Variants in RGS7 observed in about 807,000 individuals in gnomAD.
RGS7 encodes regulator of G protein signaling 7, also known as regulator of G-protein signaling 7.
RGS7 carries 27 observed loss-of-function variants against 81.1 expected under a neutral mutation model. The observed-to-expected ratio is 0.33, with a 90% CI of 0.25 to 0.46. The LOEUF (loss-of-function observed/expected upper bound fraction) is 0.46, where lower values mean the gene tolerates loss of function less well. Ranked by LOEUF, RGS7 falls within the 20% of genes least tolerant of loss-of-function variation. The probability of loss-of-function intolerance (pLI) is 1.00; values close to 1 mark genes in which losing one functional copy is unlikely to be tolerated. For synonymous variants in RGS7, 208 were observed against 207.7 expected (o/e 1.00, Z -0.01); for missense variants, 396 against 607.4 (o/e 0.65, Z 3.66).
chr1:241,274,033 TC>T (rs1374613508), intron 2 of RGS7, among the ~76,000 whole-genome samples: 1 of 152,222 alleles, frequency 6.6e-6, no homozygotes, highest in East Asian at 1.9e-4. Context: ...GTGGATCTCT[TC>T]TCTCATGGAA....
At chr1:241,324,228 C>T (rs977752084) in intron 2 of RGS7, among the ~76,000 whole-genome samples, 9 of 152,136 alleles carry the variant, frequency 5.9e-5, no homozygotes, top group African/African-American at 1.9e-4. Context: ...TTACTTATTA[C>T]CAGCTTGTTC....
At chr1:240,805,083 C>T (rs1291775481) in intron 15 of RGS7, among the ~76,000 whole-genome samples, 1 of 152,036 alleles carries the variant, frequency 6.6e-6, no homozygotes, top group African/African-American at 2.4e-5. Context: ...AACTTCAACA[C>T]ATCATTAGGG....
chr1:240,869,837 G>A (rs1170204392), intron 7 of RGS7, among the ~76,000 whole-genome samples: 2 of 152,200 alleles, frequency 1.3e-5, no homozygotes, highest in African/African-American at 4.8e-5. Flanking sequence ...CTACTCCAGA[G>A]GCTGAAGCAG....
At chr1:240,811,590 AT>A (rs1411038618) in intron 14 of RGS7, among the ~76,000 whole-genome samples, 1 of 152,238 alleles carries the variant, frequency 6.6e-6, no homozygotes, top group Non-Finnish European at 1.5e-5. Flanking sequence ...ATTGAACTTC[AT>A]AAATGTTATT....
At chr1:240,944,626 G>A (rs1328736843) in intron 4 of RGS7, among the ~76,000 whole-genome samples, 1 of 151,988 alleles carries the variant, frequency 6.6e-6, no homozygotes, top group African/African-American at 2.4e-5. Context: ...AAGCACATGT[G>A]GAAATCATGG....
intron 2 of RGS7, among the ~76,000 whole-genome samples, chr1:241,211,002 T>A (rs1430278238): frequency 6.6e-6 from 1 of 152,086 alleles, no homozygotes; most frequent in Non-Finnish European, 1.5e-5. Context: ...TTAGTAAATA[T>A]TGGCCAGGTG....
intron 6 of RGS7, among the ~76,000 whole-genome samples, chr1:240,916,791 C>T (rs1007269052): frequency 3.9e-5 from 6 of 152,164 alleles, no homozygotes; most frequent in Non-Finnish European, 8.8e-5. Flanking sequence ...GCACTTCTAC[C>T]CTCATATTTA....
At chr1:241,087,195 G>A (rs1274949625) in intron 3 of RGS7, among the ~76,000 whole-genome samples, 2 of 152,168 alleles carry the variant, frequency 1.3e-5, no homozygotes, top group Admixed American at 6.5e-5. Flanking sequence ...AGATCCTGAG[G>A]TACAGCAGAC....
chr1:241,280,955 T>G (rs1206184460), intron 2 of RGS7, among the ~76,000 whole-genome samples: 1 of 152,188 alleles, frequency 6.6e-6, no homozygotes, highest in East Asian at 1.9e-4. Flanking sequence ...TCAGGTCCAT[T>G]TATATGCAGA....
At chr1:241,133,664 G>A (rs950039054) in intron 2 of RGS7, among the ~76,000 whole-genome samples, 6 of 152,074 alleles carry the variant, frequency 3.9e-5, no homozygotes, top group Non-Finnish European at 7.3e-5. Flanking sequence ...TTCCCTTAGG[G>A]TTTCTACTGA....
chr1:240,956,010 G>A (rs1241234989), intron 4 of RGS7, among the ~76,000 whole-genome samples: 3 of 152,162 alleles, frequency 2.0e-5, no homozygotes, highest in Non-Finnish European at 4.4e-5. Context: ...AGTGCAACAT[G>A]ACCTTACATA....
chr1:240,808,548 G>T (rs948078102), intron 14 of RGS7, among the ~76,000 whole-genome samples: 16 of 152,316 alleles, frequency 1.1e-4, no homozygotes, highest in African/African-American at 3.1e-4. Context: ...AGCATATGAA[G>T]ATTAAGTTGC....
At chr1:241,336,360 A>C (rs1160060863) in intron 2 of RGS7, among the ~76,000 whole-genome samples, 1 of 152,202 alleles carries the variant, frequency 6.6e-6, no homozygotes, top group East Asian at 1.9e-4. Flanking sequence ...TGCCACCTCC[A>C]CACATTCTTA....
intron 9 of RGS7, among the ~76,000 whole-genome samples, chr1:240,832,997 T>G (rs1694102744): frequency 6.6e-6 from 1 of 152,086 alleles, no homozygotes; most frequent in Admixed American, 6.5e-5. Context: ...TATATACACA[T>G]GCTTATCATA....
chr1:241,071,431 A>G (rs1000919608), intron 3 of RGS7, among the ~76,000 whole-genome samples: 12 of 152,090 alleles, frequency 7.9e-5, no homozygotes, highest in Admixed American at 5.9e-4. Flanking sequence ...TTTATGCCTT[A>G]GAGAACATGT....
chr1:240,972,651 C>A (rs1237125435), intron 4 of RGS7, among the ~76,000 whole-genome samples: 1 of 139,836 alleles, frequency 7.2e-6, no homozygotes, highest in Admixed American at 7.2e-5. Context: ...ACATATGTAA[C>A]TAACCTGCAC....
At chr1:241,157,933 C>A (rs1434980823) in intron 2 of RGS7, among the ~76,000 whole-genome samples, 1 of 151,528 alleles carries the variant, frequency 6.6e-6, no homozygotes, top group African/African-American at 2.4e-5. Context: ...TCTCCTGCCT[C>A]AGCCTCCCGA....
chr1:241,179,900 T>C (rs2071459371), intron 2 of RGS7, among the ~76,000 whole-genome samples: 1 of 152,154 alleles, frequency 6.6e-6, no homozygotes, highest in South Asian at 2.1e-4. Context: ...AAGACATACT[T>C]CCTGATCTTA....
At chr1:240,836,781 T>A (rs956839586) in intron 9 of RGS7, among the ~76,000 whole-genome samples, 1 of 152,238 alleles carries the variant, frequency 6.6e-6, no homozygotes, top group African/African-American at 2.4e-5. Flanking sequence ...ACTGGTGGTA[T>A]GAACATATCA....
Sources: gnomAD v4.1 joint callset for allele counts (sites outside exome capture counted in the v4.1 genomes callset) on GRCh38, gnomAD v4.1.1 for gene constraint, MANE v1.5 for transcripts, NCBI Gene and HGNC (gene_info 2026-07-23, HGNC 2026-07-21) for gene names.